The following REV1 variants were observed in gnomAD, a reference collection of about 807,000 sequenced individuals.
REV1 encodes the protein translesion synthesis protein REV1.
REV1 carries 42 observed loss-of-function variants against 137.4 expected under a neutral mutation model. That is an observed-to-expected ratio of 0.31 (90% CI 0.24 to 0.40). REV1 has a LOEUF of 0.40. Ranked by LOEUF, REV1 falls within the 10% of genes least tolerant of loss-of-function variation. The pLI, the probability that REV1 is intolerant of heterozygous loss-of-function variation, is 1.00. For missense variants in REV1, 1,282 were observed against 1,490.1 expected (o/e 0.86, Z 2.30); for synonymous variants, 524 against 519.2 (o/e 1.01, Z -0.12).
intron 12 of REV1, among the ~76,000 whole-genome samples, chr2:99,415,324 C>T (rs777413897): frequency 1.7e-4 from 26 of 152,160 alleles, no homozygotes; most frequent in Non-Finnish European, 2.6e-4. Context: ...CAAATCTCAA[C>T]GAAGAGAGAG....
chr2:99,484,404 A>T (rs1379999639), intron 1 of REV1, among the ~76,000 whole-genome samples: 2 of 152,208 alleles, frequency 1.3e-5, no homozygotes, highest in African/African-American at 4.8e-5. Flanking sequence ...ATTGCCCCAT[A>T]GTCAGCAGGA....
intron 9 of REV1, among the ~76,000 whole-genome samples, chr2:99,426,478 T>C (rs540942410): frequency 1.3e-5 from 2 of 152,292 alleles, no homozygotes; most frequent in East Asian, 1.9e-4. Flanking sequence ...ATATAGTACA[T>C]CTACTTATGT....
chr2:99,410,647 A>G (rs1414367505), intron 14 of REV1, 48 bp downstream of exon 14: 2 of 1,466,526 alleles, frequency 1.4e-6, no homozygotes, highest in African/African-American at 2.9e-5. Flanking sequence ...ACTTACAACA[A>G]CCTGTACTGA....
At chr2:99,403,924 G>C in intron 18 of REV1, 109 bp from the exon 19 acceptor site, 8 of 1,340,742 alleles carry the variant, frequency 6.0e-6, no homozygotes, top group South Asian at 2.7e-5. Flanking sequence ...TTTCTGATCT[G>C]TACGAATTCT....
chr2:99,409,372 T>A (rs1197718690), intron 14 of REV1, among the ~76,000 whole-genome samples: 1 of 152,204 alleles, frequency 6.6e-6, no homozygotes, highest in Non-Finnish European at 1.5e-5. Context: ...CATGAGCTAA[T>A]CTTTAATGAA....
At chr2:99,470,625 AC>A (rs774554205) in intron 1 of REV1, among the ~76,000 whole-genome samples, 2 of 152,164 alleles carry the variant, frequency 1.3e-5, no homozygotes, top group Non-Finnish European at 2.9e-5. Flanking sequence ...AGGTGTTTTT[AC>A]CTTTCTCTAC....
chr2:99,417,461 G>A (rs1360694617), intron 12 of REV1, among the ~76,000 whole-genome samples: 1 of 152,092 alleles, frequency 6.6e-6, no homozygotes, highest in African/African-American at 2.4e-5. Flanking sequence ...GACTGTATTT[G>A]GACACAGAAT....
intron 12 of REV1, among the ~76,000 whole-genome samples, chr2:99,414,899 CTT>C (rs1267617445): frequency 6.6e-6 from 1 of 152,188 alleles, no homozygotes; most frequent in Non-Finnish European, 1.5e-5. Flanking sequence ...TTTAGAGTAT[CTT>C]GAGTATACCA....
In REV1 at chr2:99,449,398, G is replaced by T; in HGVS notation, c.288C>A (p.Pro96=). The T allele has an allele frequency of 6.4e-7, 1 of 1,572,344 alleles. No individual in the cohort carries two copies. The highest frequency in any genetic ancestry group is 1.2e-5 in the South Asian group (1 of 82,308). Residue 96 remains proline (P), a synonymous_variant, in exon 4 of 23, where the codon CCC becomes CCA. Transcript: ENST00000258428. The part of the protein sequence containing the change: ...KTTHIIATNL[P]NAKIKELKGE... Reference sequence around the variant, plus strand: ...CCTTTAATTCTTTAATTTTGGCATTGGGAAGATTTGTGGCAATAATATGTG... The same window carrying T: ...CCTTTAATTCTTTAATTTTGGCATTTGGAAGATTTGTGGCAATAATATGTG...
At chr2:99,449,609 C>T (rs1373496489) in intron 3 of REV1, 105 bp from the exon 4 acceptor site, 1 of 511,908 alleles carries the variant, frequency 2.0e-6, no homozygotes, top group Non-Finnish European at 3.1e-6. Flanking sequence ...CATTGGTTCA[C>T]CTTCTCCTTG....
At chr2:99,454,061 TC>T (rs1683240839) in intron 3 of REV1, among the ~76,000 whole-genome samples, 1 of 151,938 alleles carries the variant, frequency 6.6e-6, no homozygotes, top group African/African-American at 2.4e-5. Flanking sequence ...AGGGTCTGGC[TC>T]TGTCACCCAG....
intron 2 of REV1, among the ~76,000 whole-genome samples, chr2:99,464,404 T>TACC (rs1207152846): frequency 2.6e-5 from 4 of 152,222 alleles, no homozygotes; most frequent in Non-Finnish European, 4.4e-5. Flanking sequence ...TTAAAACTGG[T>TACC]ATAATCCTAT....
chr2:99,486,116 C>T (rs899908458), intron 1 of REV1, among the ~76,000 whole-genome samples: 10 of 152,192 alleles, frequency 6.6e-5, no homozygotes, highest in African/African-American at 2.4e-4. Context: ...CAGAGCAAGA[C>T]CCTGTCTCAA....
intron 19 of REV1, 183 bp from the exon 20 acceptor site, chr2:99,403,289 T>A: frequency 1.7e-6 from 1 of 604,980 alleles, no homozygotes; most frequent in Non-Finnish European, 2.9e-6. Flanking sequence ...AATTCTCTCT[T>A]TGCTTTGCCA....
intron 5 of REV1, among the ~76,000 whole-genome samples, chr2:99,440,825 C>T (rs1362723579): frequency 6.6e-6 from 1 of 152,102 alleles, no homozygotes; most frequent in Non-Finnish European, 1.5e-5. Context: ...ACATTCAGAC[C>T]CTTTACATGC....
rs1317056133 is a variant in REV1 at position 99,465,500 on chromosome 2, C to T, written c.-10-515G>A. Among the ~76,000 whole-genome samples the T allele has an allele frequency of 2.6e-5, 4 of 152,302 alleles. No individual in the cohort carries two copies. In the South Asian group the frequency reaches 8.3e-4, roughly 32 times the overall value. ...TTAAAAATGATGCAGAAAAGATTAT[C>T]ATTGATAATAAACTATAATAGTAAA... On this transcript the variant is annotated intron_variant, in intron 1 of 22. Transcript: ENST00000258428.
Position 99,401,210 on chromosome 2 carries a change from T to C in REV1, c.*31A>G, listed in dbSNP as rs561233948. ...ACCTCACAAGCACTTATGGCACAGC[T>C]ATCAGAGAGCATCAGGCTCTCTGGT... On this transcript the variant is annotated 3_prime_UTR_variant, in exon 23 of 23. Coordinates refer to ENST00000258428, the MANE Select transcript of REV1 (RefSeq NM_016316.4). The C allele has an allele frequency of 1.5e-6, 2 of 1,342,812 alleles. No homozygotes were observed. The highest frequency in any genetic ancestry group is 2.9e-5 in the African/African-American group (2 of 69,698). The allele number at this position is 1,342,812 out of a possible 1,614,324, so 83.2% of individuals were successfully genotyped here. A position where few individuals can be genotyped will look rare whatever the true frequency, so the allele number is the denominator to read the frequency against.
intron 4 of REV1, among the ~76,000 whole-genome samples, chr2:99,442,919 C>T (rs1681697874): frequency 6.6e-6 from 1 of 152,038 alleles, no homozygotes; most frequent in Non-Finnish European, 1.5e-5. Context: ...GGTTAAGAGC[C>T]AAGGCCATTT....
At chr2:99,415,402 C>A (rs1039427626) in intron 12 of REV1, among the ~76,000 whole-genome samples, 1 of 152,164 alleles carries the variant, frequency 6.6e-6, no homozygotes, top group African/African-American at 2.4e-5. Flanking sequence ...GGAACTATTA[C>A]CCTAGGTTAA....
Sources: allele counts gnomAD v4.1 joint callset (sites outside exome capture counted in the v4.1 genomes callset), GRCh38; gene constraint gnomAD v4.1.1; transcripts MANE v1.5; gene names NCBI Gene and HGNC (gene_info 2026-07-23, HGNC 2026-07-21).